TNR: variants seen among roughly 807,000 people sequenced by gnomAD.
The protein encoded by TNR is tenascin-R.
TNR carries 45 observed loss-of-function variants against 150.4 expected under a neutral mutation model. That is an observed-to-expected ratio of 0.30 (90% CI 0.24 to 0.38). The LOEUF is 0.38. TNR is among the 10% of genes least tolerant of loss of function. The probability of loss-of-function intolerance (pLI) is 1.00; values close to 1 mark genes in which losing one functional copy is unlikely to be tolerated. For synonymous variants in TNR, 687 were observed against 678.4 expected, an observed-to-expected ratio of 1.01 and a Z score of -0.20; for missense variants, 1,544 against 1,759.1, an observed-to-expected ratio of 0.88 and a Z score of 2.19.
intron 1 of TNR, among the ~76,000 whole-genome samples, chr1:175,613,753 G>A (rs1384036013): frequency 6.6e-6 from 1 of 152,142 alleles, no homozygotes; most frequent in Non-Finnish European, 1.5e-5. Context: ...AACACTGTCA[G>A]CAAAGCCAAG....
intron 2 of TNR, among the ~76,000 whole-genome samples, chr1:175,458,629 T>C (rs1274463173): frequency 6.6e-6 from 1 of 152,112 alleles, no homozygotes; most frequent in African/African-American, 2.4e-5. Flanking sequence ...AGAAAGTGCT[T>C]TGGACACCAG....
At chr1:175,589,541 AG>A (rs1208581022) in intron 1 of TNR, among the ~76,000 whole-genome samples, 8 of 152,248 alleles carry the variant, frequency 5.3e-5, no homozygotes, top group Non-Finnish European at 1.2e-4. Flanking sequence ...TAATGCAAAA[AG>A]TATGCATATA....
intron 1 of TNR, among the ~76,000 whole-genome samples, chr1:175,618,858 C>T (rs550124593): frequency 2.3e-3 from 346 of 152,294 alleles, no homozygotes; most frequent in South Asian, 5.4e-3. Context: ...CTGCCCTTGC[C>T]TTCTGCCCAG....
In TNR at chr1:175,555,721, A is replaced by C. The variant is rs562473573; in HGVS notation, c.-164-27352T>G. Among the ~76,000 whole-genome samples, 44 of 152,310 alleles carry C rather than the reference A, an allele frequency of 2.9e-4. 1 individual carries two copies. Among genetic ancestry groups the C allele is most frequent in the Admixed American group, 2.5e-3 (38 of 15,300 alleles). On this transcript the variant is annotated intron_variant, in intron 1 of 22. Coordinates refer to ENST00000367674, the MANE Select transcript of TNR (RefSeq NM_003285.3). ...TCATAATAGAATCTTCGTTTTCCAG[A>C]GATTTAAAAATCTCCTTACTTTACT...
At chr1:175,647,955 C>T (rs1234341507) in intron 1 of TNR, among the ~76,000 whole-genome samples, 1 of 152,166 alleles carries the variant, frequency 6.6e-6, no homozygotes, top group African/African-American at 2.4e-5. Context: ...GGAGCTTTGG[C>T]TCACCTTATT....
intron 2 of TNR, among the ~76,000 whole-genome samples, chr1:175,442,992 T>C (rs554317209): frequency 5.1e-4 from 77 of 152,338 alleles, no homozygotes; most frequent in Non-Finnish European, 1.1e-3. Context: ...GTTGTAAAGA[T>C]AGTAACATAT....
At chr1:175,541,338 C>T (rs956645308) in intron 1 of TNR, among the ~76,000 whole-genome samples, 5 of 152,310 alleles carry the variant, frequency 3.3e-5, no homozygotes, top group Admixed American at 2.6e-4. Context: ...CATGGCAGCT[C>T]CCTGCCCCTA....
intron 1 of TNR, among the ~76,000 whole-genome samples, chr1:175,626,104 A>T (rs1269596928): frequency 6.6e-6 from 1 of 152,162 alleles, no homozygotes; most frequent in African/African-American, 2.4e-5. Context: ...TGCCACTGCC[A>T]TGTAAGAAGT....
Position 175,354,610 on chromosome 1 carries a change from G to T in TNR, c.3250-87C>A, listed in dbSNP as rs571644430. On this transcript the variant is annotated intron_variant, in intron 17 of 22. Transcript: ENST00000367674. ...TAGGGAAGGGAAGTCCAAATCCCAT[G>T]GGCAGCTAGGTCAGTATTGCAATGG... 22 of 1,564,154 alleles carry T rather than the reference G, an allele frequency of 1.4e-5. No individual in the cohort carries two copies. The African/African-American group carries it at 2.0e-4, about 14-fold the overall frequency.
intron 1 of TNR, among the ~76,000 whole-genome samples, chr1:175,691,669 C>T (rs759314753): frequency 1.5e-4 from 23 of 152,076 alleles, no homozygotes; most frequent in Admixed American, 1.0e-3. Context: ...ATCTCTTTGT[C>T]GGTTTCAATG....
At chr1:175,485,423 C>A (rs1262202961) in intron 2 of TNR, among the ~76,000 whole-genome samples, 1 of 152,120 alleles carries the variant, frequency 6.6e-6, no homozygotes, top group Non-Finnish European at 1.5e-5. Flanking sequence ...AAGCAATAGA[C>A]CAAGGAGCAC....
intron 18 of TNR, among the ~76,000 whole-genome samples, chr1:175,353,167 CATT>C (rs149790197): frequency 0.08 from 12,218 of 152,224 alleles, 569 homozygotes; most frequent in South Asian, 0.14. Flanking sequence ...TAGAGAGAAA[CATT>C]AGTAACACAG....
intron 1 of TNR, among the ~76,000 whole-genome samples, chr1:175,741,688 C>T (rs1667935660): frequency 6.6e-6 from 1 of 152,174 alleles, no homozygotes; most frequent in Non-Finnish European, 1.5e-5. Flanking sequence ...CAATGCCAAG[C>T]ATAGTAAAAA....
Position 175,334,193 on chromosome 1 carries a change from A to G in TNR, c.3631+1518T>C, listed in dbSNP as rs193114604. On this transcript the variant is annotated intron_variant, in intron 20 of 22. Transcript: ENST00000367674. The stretch of plus-strand genomic sequence containing the variant: ...CCTTTGCAAAGATCATGACAGTGAG[A>G]GAAATCTAACATGGCTGATTCCTTG... Among the ~76,000 whole-genome samples the G allele has an allele frequency of 2.0e-5, 3 of 152,346 alleles. No individual in the cohort carries two copies. The East Asian group carries it at 5.8e-4, about 29-fold the overall frequency.
rs115860925 is a variant in TNR, at chr1:175,355,742, A to G, written c.3119-109T>C. Reference sequence around the variant, plus strand: ...CACCTCTTTGGTCTCAGGATTGCTCACATGCTGACCCCTGCTCTGGCTTGG... The same window carrying G: ...CACCTCTTTGGTCTCAGGATTGCTCGCATGCTGACCCCTGCTCTGGCTTGG... On this transcript the variant is annotated intron_variant, in intron 16 of 22. Transcript: ENST00000367674. 1,182 of 1,471,218 alleles carry G rather than the reference A, an allele frequency of 8.0e-4. 7 individuals are homozygous for G. In the African/African-American group the frequency reaches 0.015, roughly 19 times the overall value. 91.1% of individuals were successfully genotyped at this position (1,471,218 alleles called of 1,614,324 possible). A position where few individuals can be genotyped will look rare whatever the true frequency, so the allele number is the denominator to read the frequency against.
chr1:175,582,585 G>C (rs1179643452), intron 1 of TNR, among the ~76,000 whole-genome samples: 1 of 152,160 alleles, frequency 6.6e-6, no homozygotes, highest in East Asian at 1.9e-4. Flanking sequence ...CCCTGGGAGA[G>C]GGGGTGGTGG....
chr1:175,406,007 G>C (rs1025481658), intron 3 of TNR, among the ~76,000 whole-genome samples: 4 of 152,142 alleles, frequency 2.6e-5, no homozygotes, highest in African/African-American at 9.7e-5. Context: ...GAATCCCTCG[G>C]GGAAGAACTG....
Position 175,406,488 on chromosome 1 carries a change from T to C in TNR, c.227A>G (p.Asp76Gly), listed in dbSNP as rs1267902629. The C allele has an allele frequency of 3.7e-6, 6 of 1,614,070 alleles. No homozygotes were observed. The highest frequency in any genetic ancestry group is 1.3e-5 in the African/African-American group (1 of 74,898). The change falls in exon 3 of 23, where the codon GAC becomes GGC. Residue 76 changes from aspartate (D) to glycine (G), a missense_variant. By Grantham distance (94) the Asp-to-Gly change is moderately conservative. Transcript: ENST00000367674. ...NHVYNINVPL[D>G]NLCSSGLEAS... ...CTCTAGCCCTGAGGAGCAGAGGTTG[T>C]CCAAGGGCACGTTAATGTTGTACAC...
chr1:175,673,898 C>T (rs2101904935), intron 1 of TNR, among the ~76,000 whole-genome samples: 1 of 152,372 alleles, frequency 6.6e-6, no homozygotes, highest in Non-Finnish European at 1.5e-5. Context: ...CAAAAAACCA[C>T]ATCGGAAGAC....
Sources: gnomAD v4.1 joint callset for allele counts (sites outside exome capture counted in the v4.1 genomes callset) on GRCh38, gnomAD v4.1.1 for gene constraint, MANE v1.5 for transcripts, NCBI Gene and HGNC (gene_info 2026-07-23, HGNC 2026-07-21) for gene names.